FLT4: variants seen among roughly 807,000 people sequenced by gnomAD.
The protein encoded by FLT4 is vascular endothelial growth factor receptor 3.
A neutral mutation model predicts 163.2 loss-of-function variants in FLT4; 30 were observed. The observed-to-expected ratio is 0.18, with a 90% confidence interval of 0.14 to 0.25. The LOEUF (loss-of-function observed/expected upper bound fraction) is 0.25, where lower values mean the gene tolerates loss of function less well. Among genes scored for constraint, FLT4 ranks in the 10% least tolerant of loss-of-function variants. FLT4 has a pLI of 1.00. For synonymous variants in FLT4, 884 were observed against 789.5 expected (o/e 1.12, Z -2.01); for missense variants, 1,510 against 1,863.8 (o/e 0.81, Z 3.50).
chr5:180,611,561 C>G, intron 26 of FLT4, 82 bp from the exon 27 acceptor site: 2 of 1,443,940 alleles, frequency 1.4e-6, no homozygotes, highest in Admixed American at 3.9e-5. Context: ...AGCCCTCACC[C>G]CCGCCCTCAG....
intron 29 of FLT4, chr5:180,607,852 T>G: frequency 3.8e-6 from 2 of 527,456 alleles, no homozygotes; most frequent in Non-Finnish European, 3.4e-6. Flanking sequence ...TGAAGGGACA[T>G]TGTGAGAAGT....
In FLT4 at chr5:180,621,598, A is replaced by G; in HGVS notation, c.1964T>C (p.Val655Ala). 1.2e-6 allele frequency: 2 copies of G among 1,610,070 alleles called. No individual in the cohort carries two copies. Among genetic ancestry groups the G allele is most frequent in the Non-Finnish European group, 1.7e-6 (2 of 1,178,022 alleles). ...CTTGTCATGGCTGCGCCGGTCTTGCACTTCGCACACATAGTGGCCCTCGTG... is the reference window on the plus strand; with the variant it reads ...CTTGTCATGGCTGCGCCGGTCTTGCGCTTCGCACACATAGTGGCCCTCGTG... Reference protein sequence around the residue: ...PEHEGHYVCEVQDRRSHDKHC... With the variant: ...PEHEGHYVCEAQDRRSHDKHC... Residue 655 changes from valine to alanine, a missense_variant, in exon 13 of 30, where the codon GTG becomes GCG. Physicochemically the swap from Val to Ala is moderately conservative, Grantham distance 64. Coordinates refer to ENST00000261937, the MANE Select transcript of FLT4 (RefSeq NM_182925.5).
chr5:180,644,014 G>T (rs990776981), intron 1 of FLT4, among the ~76,000 whole-genome samples: 1 of 152,128 alleles, frequency 6.6e-6, no homozygotes, highest in African/African-American at 2.4e-5. Flanking sequence ...TAGAGATGGG[G>T]TTTCACCGTG....
At chr5:180,622,033 G>GC (rs990568442) in intron 12 of FLT4, 129 bp from the exon 13 acceptor site, 14 of 1,068,738 alleles carry the variant, frequency 1.3e-5, no homozygotes, top group African/African-American at 9.4e-5. Flanking sequence ...TGGACTGCTT[G>GC]CCCCCCGCCC....
At chr5:180,637,610 G>C (rs1038988421) in intron 1 of FLT4, among the ~76,000 whole-genome samples, 1 of 151,832 alleles carries the variant, frequency 6.6e-6, no homozygotes, top group Non-Finnish European at 1.5e-5. Context: ...TCGGCTCACT[G>C]CAACGTCCAC....
In FLT4 at chr5:180,612,903, C is replaced by T. The variant is rs545961742; in HGVS notation, c.3431+108G>A. On this transcript the variant is annotated intron_variant, in intron 25 of 29. Transcript: ENST00000261937. ...GTGTATCTTGAGGGTGGTGCCCAGG[C>T]CTGTCCTACTGGCCCTGGCTTCCCT... The T allele has an allele frequency of 2.3e-5, 19 of 813,802 alleles. No individual in the cohort carries two copies. The South Asian group carries it at 2.9e-4, about 12-fold the overall frequency. 50.4% of individuals were successfully genotyped at this position (813,802 alleles called of 1,614,324 possible).
chr5:180,643,712 C>T lies in FLT4; in HGVS notation c.58+5776G>A, dbSNP rs148794081. Among the ~76,000 whole-genome samples, 468 of 152,306 alleles carry T rather than the reference C, an allele frequency of 3.1e-3. 1 individual carries two copies. The highest frequency in any genetic ancestry group is 5.0e-3 in the Non-Finnish European group (337 of 68,030). ...TGGAACAGCCCCTCCCCACCTCTGA[C>T]GTCTGAGCTGCTGTGCTGCTTCCCC... On this transcript the variant is annotated intron_variant, in intron 1 of 29. Transcript: ENST00000261937.
Position 180,602,748 on chromosome 5 carries a change from G to A in FLT4, c.*444C>T. On this transcript the variant is annotated 3_prime_UTR_variant, in exon 30 of 30. Coordinates refer to ENST00000261937, the MANE Select transcript of FLT4 (RefSeq NM_182925.5). ...GTGGGGAGAGTAGCTGTGTGCCTGA[G>A]GAGGAAAGGGCGTTTGGGAGACCTC... The A allele has an allele frequency of 2.2e-6, 1 of 464,518 alleles. No homozygotes were observed. Among genetic ancestry groups the A allele is most frequent in the Non-Finnish European group, 3.8e-6 (1 of 265,356 alleles). The allele number at this position is 464,518 out of a possible 1,614,324, so 28.8% of individuals were successfully genotyped here.
At chr5:180,619,598 C>T (rs1199486315) in intron 18 of FLT4, 67 bp downstream of exon 18, 1 of 1,299,928 alleles carries the variant, frequency 7.7e-7, no homozygotes, top group Admixed American at 1.7e-5. Flanking sequence ...GTTGCCGTCC[C>T]ACCGGCCCAC....
rs2127814677 is a variant in FLT4 at position 180,621,087 on chromosome 5, C to T, written c.2167+19G>A. Reference sequence around the variant, plus strand: ...CGCGGGCCTCCGGACCTGCCCTTCGCCAGGGCCACCCTCCCTACCAGACTT... The same window carrying T: ...CGCGGGCCTCCGGACCTGCCCTTCGTCAGGGCCACCCTCCCTACCAGACTT... On this transcript the variant is annotated intron_variant, in intron 14 of 29. Coordinates refer to ENST00000261937, the MANE Select transcript of FLT4 (RefSeq NM_182925.5). 6.2e-7 allele frequency: 1 copy of T among 1,612,746 alleles called. No individual in the cohort carries two copies. The highest frequency in any genetic ancestry group is 8.5e-7 in the Non-Finnish European group (1 of 1,179,960).
intron 23 of FLT4, 34 bp from the exon 24 acceptor site, chr5:180,614,213 G>C: frequency 7.1e-7 from 1 of 1,407,048 alleles, no homozygotes; most frequent in Non-Finnish European, 1.0e-6. Context: ...TCCCGTGGTG[G>C]ATGGGGAGAC....
chr5:180,643,965 A>G (rs1229668979), intron 1 of FLT4, among the ~76,000 whole-genome samples: 1 of 151,898 alleles, frequency 6.6e-6, no homozygotes, highest in African/African-American at 2.4e-5. Flanking sequence ...GGGATTACAG[A>G]CGCCTGCCAC....
rs1011459899 is a variant in FLT4, at chr5:180,602,147, G to C, written c.*1045C>G. 33 of 234,296 alleles carry C rather than the reference G, an allele frequency of 1.4e-4. No individual in the cohort carries two copies. Among genetic ancestry groups the C allele is most frequent in the Admixed American group, 1.3e-3 (24 of 17,830 alleles). The allele number at this position is 234,296 out of a possible 1,614,324, so 14.5% of individuals were successfully genotyped here. Reference sequence around the variant, plus strand: ...GGCAGGTCCCCAGAATGTCCACTGAGTGCTGGGTGGCACAGGGCAATGCTG... The same window carrying C: ...GGCAGGTCCCCAGAATGTCCACTGACTGCTGGGTGGCACAGGGCAATGCTG... On this transcript the variant is annotated 3_prime_UTR_variant, in exon 30 of 30. Coordinates refer to ENST00000261937, the MANE Select transcript of FLT4 (RefSeq NM_182925.5).
chr5:180,622,056 A>G, intron 12 of FLT4, 152 bp from the exon 13 acceptor site: 1 of 841,970 alleles, frequency 1.2e-6, no homozygotes, highest in Non-Finnish European at 1.8e-6. Flanking sequence ...CCAAAAGCCC[A>G]GGTCATCAGG....
At chr5:180,644,918 G>A (rs998253645) in intron 1 of FLT4, among the ~76,000 whole-genome samples, 1 of 152,260 alleles carries the variant, frequency 6.6e-6, no homozygotes, top group Non-Finnish European at 1.5e-5. Context: ...ACCTGCCCCG[G>A]AAGGCCCCTT....
chr5:180,605,023 C>T (rs745658482), intron 29 of FLT4, among the ~76,000 whole-genome samples: 2 of 152,212 alleles, frequency 1.3e-5, no homozygotes, highest in Non-Finnish European at 2.9e-5. Context: ...TGCAGTGGCA[C>T]GATCATGGCT....
intron 26 of FLT4, chr5:180,611,705 CG>C: frequency 3.3e-6 from 2 of 600,034 alleles, no homozygotes; most frequent in Non-Finnish European, 6.0e-6. Context: ...ACAGACCATG[CG>C]GGCACGTGAG....
chr5:180,622,614 C>G, intron 12 of FLT4, 117 bp downstream of exon 12: 1 of 716,354 alleles, frequency 1.4e-6, no homozygotes, highest in Non-Finnish European at 2.5e-6. Context: ...TGTCTACAAC[C>G]GGTAGGCCTT....
rs1249908903 is a variant in FLT4 at position 180,602,720 on chromosome 5, C to G, written c.*472G>C. On this transcript the variant is annotated 3_prime_UTR_variant, in exon 30 of 30. Coordinates refer to ENST00000261937, the MANE Select transcript of FLT4 (RefSeq NM_182925.5). Reference sequence around the variant, plus strand: ...CAGGGGTGGGTGAGGCCAGCCAGCCCTCGTGGGGAGAGTAGCTGTGTGCCT... The same window carrying G: ...CAGGGGTGGGTGAGGCCAGCCAGCCGTCGTGGGGAGAGTAGCTGTGTGCCT... 8 of 452,900 alleles carry G rather than the reference C, an allele frequency of 1.8e-5. No individual in the cohort carries two copies. In the Admixed American group the frequency reaches 2.3e-4, roughly 13 times the overall value. 28.1% of individuals were successfully genotyped at this position (452,900 alleles called of 1,614,324 possible).
Sources: gnomAD v4.1 joint callset for allele counts (sites outside exome capture counted in the v4.1 genomes callset) on GRCh38, gnomAD v4.1.1 for gene constraint, MANE v1.5 for transcripts, NCBI Gene and HGNC (gene_info 2026-07-23, HGNC 2026-07-21) for gene names.